The following CD33 variants were observed in gnomAD, a reference collection of about 807,000 sequenced individuals.
The protein encoded by CD33 is myeloid cell surface antigen CD33.
A neutral mutation model predicts 31.4 loss-of-function variants in CD33; 25 were observed. The ratio of observed to expected loss-of-function variants is 0.80; its 90% CI spans 0.58 to 1.11. The LOEUF (loss-of-function observed/expected upper bound fraction) is 1.11. Ranked by LOEUF, CD33 falls within the 50% of genes most tolerant of loss-of-function variation. CD33 has a pLI of 0.00. For synonymous variants in CD33, 176 were observed against 180.6 expected, an observed-to-expected ratio of 0.97 and a Z score of 0.20; for missense variants, 407 against 448.1, an observed-to-expected ratio of 0.91 and a Z score of 0.83.
rs563673363 is a variant in CD33 at position 51,239,340 on chromosome 19, G to A, written c.925-178G>A. The A allele has an allele frequency of 8.1e-6, 4 of 495,892 alleles. No individual in the cohort carries two copies. The Admixed American group carries it at 1.2e-4, about 15-fold the overall frequency. 30.7% of individuals were successfully genotyped at this position (495,892 alleles called of 1,614,324 possible). Reference sequence around the variant, plus strand: ...AAGAGAATTGCGAATCAATCAATACGTGCTACATGTGTTAGATAATGAATA... The same window carrying A: ...AAGAGAATTGCGAATCAATCAATACATGCTACATGTGTTAGATAATGAATA... On this transcript the variant is annotated intron_variant, in intron 6 of 6. Coordinates refer to ENST00000262262, the MANE Select transcript of CD33 (RefSeq NM_001772.4).
At chr19:51,217,276 C>T in the CD33 span, among the ~76,000 whole-genome samples, 2 of 152,152 alleles carry the variant, frequency 1.3e-5, no homozygotes, top group East Asian at 3.8e-4. Context: ...GAAGGTCAAG[C>T]TCACAGGATT....
chr19:51,219,958 T>G, the CD33 span, among the ~76,000 whole-genome samples: 1 of 152,236 alleles, frequency 6.6e-6, no homozygotes, highest in Non-Finnish European at 1.5e-5. Context: ...TGCGTCTATG[T>G]TCATCAGGGA....
At chr19:51,225,670 C>A in intron 2 of CD33, 72 bp downstream of exon 2, 2 of 1,531,360 alleles carry the variant, frequency 1.3e-6, no homozygotes, top group Non-Finnish European at 1.8e-6. Context: ...GGGATGGGAC[C>A]CTGGTACTGG....
chr19:51,238,326 C>G (rs1362167821), intron 6 of CD33: 1 of 152,166 alleles, frequency 6.6e-6, no homozygotes, highest in African/African-American at 2.4e-5. Flanking sequence ...AGGCAAGTGT[C>G]TGGAGCTCAG....
chr19:51,235,593 A>G lies in CD33; in HGVS notation c.843-2A>G, dbSNP rs754074519. ...CTCAAAGACCCTGGTGTCTCCCATC[A>G]GAGTGAAGACCCACAGGAGGAAAGC... On this transcript the variant is annotated splice_acceptor_variant, in intron 5 of 6. Coordinates refer to ENST00000262262, the MANE Select transcript of CD33 (RefSeq NM_001772.4). LOFTEE classifies it high-confidence loss of function. 1 of 1,613,298 alleles carries G rather than the reference A, an allele frequency of 6.2e-7. No homozygotes were observed.
At chr19:51,230,023 A>G (rs1266650728) in intron 4 of CD33, among the ~76,000 whole-genome samples, 3 of 152,092 alleles carry the variant, frequency 2.0e-5, no homozygotes, top group Non-Finnish European at 4.4e-5. Flanking sequence ...GTTGTCTCTT[A>G]AAACTGTTTT....
At chr19:51,213,466 T>C in the CD33 span, among the ~76,000 whole-genome samples, 203 of 152,290 alleles carry the variant, frequency 1.3e-3, no homozygotes, top group African/African-American at 4.7e-3. Flanking sequence ...TGGGTTGCAA[T>C]TTCTCCATAT....
chr19:51,217,372 C>T, the CD33 span, among the ~76,000 whole-genome samples: 1 of 151,944 alleles, frequency 6.6e-6, no homozygotes, highest in African/African-American at 2.4e-5. Context: ...TTTCGAAACT[C>T]CAATGTCTTT....
the CD33 span, chr19:51,211,872 T>C: frequency 7.2e-7 from 1 of 1,383,858 alleles, no homozygotes; most frequent in Non-Finnish European, 1.0e-6. Context: ...CTCTGTGCCC[T>C]CGGCCTGTGA....
chr19:51,226,455 G>T (rs778873426), intron 4 of CD33, 99 bp downstream of exon 4: 10 of 1,071,078 alleles, frequency 9.3e-6, no homozygotes, highest in Admixed American at 5.2e-5. Flanking sequence ...CAGAGGCAAG[G>T]CCTGCAGTTA....
intron 4 of CD33, among the ~76,000 whole-genome samples, chr19:51,234,575 A>G (rs1048480552): frequency 2.6e-5 from 4 of 152,116 alleles, no homozygotes; most frequent in Non-Finnish European, 4.4e-5. Context: ...CAGTTCCCTC[A>G]GTAGTGGTTA....
chr19:51,213,509 G>C, the CD33 span, among the ~76,000 whole-genome samples: 1 of 151,930 alleles, frequency 6.6e-6, no homozygotes, highest in African/African-American at 2.4e-5. Context: ...CTTTTCTTTT[G>C]TTTTGTTTTT....
rs776934953 is a variant in CD33, at chr19:51,235,685, TG to T, written c.924+13del. ...CAGGGTCAGCCTCCCCGGTGAGTGA[TG>T]GGGCATCCTGGCATCCAGTCTGTCC... On this transcript the variant is annotated intron_variant, in intron 6 of 6. Coordinates refer to ENST00000262262, the MANE Select transcript of CD33 (RefSeq NM_001772.4). The T allele has an allele frequency of 3.7e-6, 6 of 1,607,740 alleles. No individual in the cohort carries two copies. In the Admixed American group the frequency reaches 1.0e-4, roughly 27 times the overall value.
upstream of CD33, among the ~76,000 whole-genome samples, chr19:51,220,154 G>A (rs181520988): frequency 1.3e-5 from 2 of 152,106 alleles, no homozygotes; most frequent in Admixed American, 1.3e-4. Flanking sequence ...TTTGTTGAGA[G>A]ATTTTTTTCT....
chr19:51,226,241 A>G, intron 3 of CD33, 68 bp from the exon 4 acceptor site: 2 of 1,538,592 alleles, frequency 1.3e-6, no homozygotes, highest in East Asian at 2.3e-5. Context: ...TGGCAGGAGT[A>G]AGGGGAAATG....
intron 6 of CD33, chr19:51,236,055 G>A (rs1331260512): frequency 5.6e-6 from 3 of 534,298 alleles, no homozygotes; most frequent in South Asian, 2.0e-5. Context: ...CTACTTGGGA[G>A]GCTGAGGCAG....
chr19:51,224,934 C>T, upstream of CD33: 1 of 726,266 alleles, frequency 1.4e-6, no homozygotes, highest in Non-Finnish European at 2.3e-6. Flanking sequence ...CATCTCTGGC[C>T]CATGAGGGTC....
the CD33 span, among the ~76,000 whole-genome samples, chr19:51,218,964 T>C: frequency 2.0e-5 from 3 of 152,242 alleles, no homozygotes; most frequent in African/African-American, 7.2e-5. Context: ...ATGTGATGTC[T>C]CTAGCTTTGT....
Position 51,239,769 on chromosome 19 carries a change from T to C in CD33, c.*81T>C. 2 of 1,154,234 alleles carry C rather than the reference T, an allele frequency of 1.7e-6. No homozygotes were observed. Among genetic ancestry groups the C allele is most frequent in the Non-Finnish European group, 2.5e-6 (2 of 808,520 alleles). The allele number at this position is 1,154,234 out of a possible 1,614,324, so 71.5% of individuals were successfully genotyped here. On this transcript the variant is annotated 3_prime_UTR_variant, in exon 7 of 7. Coordinates refer to ENST00000262262, the MANE Select transcript of CD33 (RefSeq NM_001772.4). ...GGACCAAAGGCTGATTCTTGGAGAT[T>C]TAACACCCCACAGGCAATGGGTTTA...
Sources: allele counts gnomAD v4.1 joint callset (sites outside exome capture counted in the v4.1 genomes callset), GRCh38; gene constraint gnomAD v4.1.1; transcripts MANE v1.5; gene names NCBI Gene and HGNC (gene_info 2026-07-23, HGNC 2026-07-21).